LRP2: variants seen among roughly 807,000 people sequenced by gnomAD.
LRP2 encodes the protein LDL receptor related protein 2.
Under a neutral mutation model 531.0 loss-of-function variants are expected in LRP2, and 172 were observed. The ratio of observed to expected loss-of-function variants is 0.32; its 90% CI spans 0.29 to 0.37. LRP2 has a LOEUF of 0.37. LRP2 is among the 10% of genes least tolerant of loss of function. The probability of loss-of-function intolerance (pLI) is 1.00; values close to 1 mark genes in which losing one functional copy is unlikely to be tolerated. For synonymous variants in LRP2, 1,992 were observed against 2,027.6 expected (o/e 0.98, Z 0.47); for missense variants, 5,167 against 5,868.3 (o/e 0.88, Z 3.90).
At chr2:169,310,334 G>A (rs1376845264) in intron 3 of LRP2, among the ~76,000 whole-genome samples, 1 of 152,052 alleles carries the variant, frequency 6.6e-6, no homozygotes, top group East Asian at 1.9e-4. Context: ...ATTGGCTGTG[G>A]GTTTGTCATA....
chr2:169,259,574 G>A (rs75432194), intron 16 of LRP2, among the ~76,000 whole-genome samples: 23 of 151,824 alleles, frequency 1.5e-4, no homozygotes, highest in East Asian at 1.2e-3. Context: ...ACTACCACCC[G>A]GAGACGGCTC....
chr2:169,219,879 C>T (rs760433771), intron 34 of LRP2, among the ~76,000 whole-genome samples: 1 of 152,140 alleles, frequency 6.6e-6, no homozygotes, highest in Non-Finnish European at 1.5e-5. Flanking sequence ...AACTTCTTAG[C>T]ATGATATTAA....
At chr2:169,277,001 C>A (rs1683573212) in intron 13 of LRP2, among the ~76,000 whole-genome samples, 2 of 151,856 alleles carry the variant, frequency 1.3e-5, no homozygotes. Context: ...TTGGGACCAG[C>A]CTGGGAAACA....
intron 3 of LRP2, among the ~76,000 whole-genome samples, chr2:169,312,786 C>T (rs1684650825): frequency 6.6e-6 from 1 of 152,198 alleles, no homozygotes; most frequent in African/African-American, 2.4e-5. Context: ...CGGATAATAT[C>T]CTGCAGAGTG....
At chr2:169,236,117 A>T (rs1327318698) in intron 28 of LRP2, 49 bp from the exon 29 acceptor site, 3 of 1,283,636 alleles carry the variant, frequency 2.3e-6, no homozygotes, top group Admixed American at 1.9e-5. Flanking sequence ...TTTAAATATT[A>T]AAAATAACTG....
At chr2:169,188,331 G>A in intron 48 of LRP2, 66 bp from the exon 49 acceptor site, 1 of 1,524,392 alleles carries the variant, frequency 6.6e-7, no homozygotes, top group Admixed American at 1.7e-5. Flanking sequence ...TTACCCACTT[G>A]GGGTTTTGCT....
chr2:169,151,361 AGAT>A (rs71957599), intron 67 of LRP2, among the ~76,000 whole-genome samples: 3,767 of 152,274 alleles, frequency 0.025, 135 homozygotes, highest in African/African-American at 0.082. Flanking sequence ...TAAATACACA[AGAT>A]GTGGATTGCT....
chr2:169,243,489 T>C lies in LRP2; in HGVS notation c.3464A>G (p.Asn1155Ser), dbSNP rs1398890913. The change falls in exon 23 of 79, where the codon AAT (asparagine) becomes AGT (serine). Residue 1155 changes from asparagine to serine, a missense_variant. Physicochemically the swap from Asn to Ser is conservative, Grantham distance 46. Coordinates refer to ENST00000649046, the MANE Select transcript of LRP2 (RefSeq NM_004525.3). The stretch of plus-strand genomic sequence containing the variant: ...GTCAATACATCGATGATTGGGGCAA[T>C]TAAACTGACTAGGTTGGCATGTCTC... ...STETCQPSQF[N>S]CPNHRCIDLS... is the part of the protein sequence containing the mutation. 1.2e-6 allele frequency: 2 copies of C among 1,614,170 alleles called. No homozygotes were observed. The highest frequency in any genetic ancestry group is 2.2e-5 in the South Asian group (2 of 91,086).
Position 169,275,232 on chromosome 2 carries a change from A to G in LRP2, c.1779T>C (p.Thr593=). The change falls in exon 14 of 79, where the codon ACT becomes ACC. Residue 593 remains threonine (T), a synonymous_variant. Coordinates refer to ENST00000649046, the MANE Select transcript of LRP2 (RefSeq NM_004525.3). The stretch of plus-strand genomic sequence containing the variant: ...GAATGAGGGAGCCTCCATGAACTAC[A>G]GTCTTCCTGTTATAAAAGACACATA... The part of the protein sequence containing the change: ...TVTYDGIQRK[T]VVHGGSLIPH... The G allele has an allele frequency of 1.2e-6, 2 of 1,612,642 alleles. No individual in the cohort carries two copies. The highest frequency in any genetic ancestry group is 1.7e-6 in the Non-Finnish European group (2 of 1,178,840).
At position 169,188,496 on chromosome 2, in the gene LRP2, G is replaced by A. The variant is rs976403506; in HGVS notation, c.9033-231C>T. Among the ~76,000 whole-genome samples, 7 of 152,096 alleles carry A rather than the reference G, an allele frequency of 4.6e-5. No individual in the cohort carries two copies. In the East Asian group the frequency reaches 1.3e-3, roughly 29 times the overall value. ...TTCCACACAACTTCCTCAGGGGCTG[G>A]CTGCTACCATTAGAAATGCTACCAT... On this transcript the variant is annotated intron_variant, in intron 48 of 78. Coordinates refer to ENST00000649046, the MANE Select transcript of LRP2 (RefSeq NM_004525.3).
At position 169,128,706 on chromosome 2, in the gene LRP2, A is replaced by G; in HGVS notation, c.13925T>C (p.Phe4642Ser). Residue 4642 changes from phenylalanine (F) to serine (S), a missense_variant, in exon 79 of 79, where the codon TTT (phenylalanine) becomes TCT (serine). Around this residue, in one of 6 missense-constraint regions of LRP2, gnomAD observed 348 missense variants for 369.3 expected, o/e 0.94. Transcript: ENST00000649046. ...TPTYSATEDT[F>S]KDTANLVKED... ...TTTAACAAGATTTGCGGTGTCTTTA[A>G]AAGTGTCTTCTGTTGCAGAATAGGT... 6.2e-7 allele frequency: 1 copy of G among 1,614,158 alleles called. No homozygotes were observed. The highest frequency in any genetic ancestry group is 8.5e-7 in the Non-Finnish European group (1 of 1,179,990).
Position 169,243,552 on chromosome 2 carries a change from G to A in LRP2, c.3431-30C>T, listed in dbSNP as rs762757307. ...TGTCATCCGAAAACAAAACCAACAA[G>A]TTTATTTCCTGTGCAACAAGTACCA... On this transcript the variant is annotated intron_variant, in intron 22 of 78. Coordinates refer to ENST00000649046, the MANE Select transcript of LRP2 (RefSeq NM_004525.3). The A allele has an allele frequency of 9.3e-6, 15 of 1,613,280 alleles. No individual in the cohort carries two copies. The South Asian group carries it at 1.4e-4, about 15-fold the overall frequency.
At chr2:169,319,893 C>T (rs764252733) in intron 2 of LRP2, among the ~76,000 whole-genome samples, 3 of 152,218 alleles carry the variant, frequency 2.0e-5, no homozygotes, top group Admixed American at 6.5e-5. Flanking sequence ...TTTTCAAATG[C>T]GTTGTCATCT....
rs562333351 is a variant in LRP2 at position 169,166,626 on chromosome 2, T to C, written c.11636-572A>G. Among the ~76,000 whole-genome samples the C allele has an allele frequency of 2.6e-5, 4 of 152,356 alleles. No homozygotes were observed. In the East Asian group the frequency reaches 7.7e-4, roughly 29 times the overall value. On this transcript the variant is annotated intron_variant, in intron 61 of 78. Transcript: ENST00000649046. ...TCTTTTATTGAAGCTTTAAATTGTGTTGGATTTTCCTTCCTGAATTCCCTC... is the reference window on the plus strand; with the variant it reads ...TCTTTTATTGAAGCTTTAAATTGTGCTGGATTTTCCTTCCTGAATTCCCTC...
intron 52 of LRP2, among the ~76,000 whole-genome samples, chr2:169,179,577 A>T (rs1687349206): frequency 6.6e-6 from 1 of 152,000 alleles, no homozygotes; most frequent in Non-Finnish European, 1.5e-5. Context: ...AAAATTAGCC[A>T]GGTGTGGTGG....
intron 50 of LRP2, among the ~76,000 whole-genome samples, chr2:169,184,163 A>G (rs1168371222): frequency 6.6e-6 from 1 of 152,108 alleles, no homozygotes; most frequent in South Asian, 2.1e-4. Context: ...CAGTTCAAAT[A>G]TTATTTTTTC....
At chr2:169,162,728 GC>G (rs762034917) in intron 62 of LRP2, 128 bp from the exon 63 acceptor site, 24 of 988,452 alleles carry the variant, frequency 2.4e-5, no homozygotes, top group Non-Finnish European at 3.4e-5. Context: ...AGTCTCCCTT[GC>G]AGCTGGGTTA....
intron 20 of LRP2, 122 bp from the exon 21 acceptor site, chr2:169,247,108 G>T: frequency 8.3e-7 from 1 of 1,200,734 alleles, no homozygotes; most frequent in Non-Finnish European, 1.2e-6. Flanking sequence ...CTAAAAAGTA[G>T]CTTCCTCTTG....
chr2:169,262,240 G>A (rs958610502), intron 16 of LRP2, among the ~76,000 whole-genome samples: 9 of 145,984 alleles, frequency 6.2e-5, no homozygotes, highest in African/African-American at 1.0e-4. Context: ...GGAAATTCTG[G>A]CCAGGCCAAT....
Sources: allele counts gnomAD v4.1 joint callset (sites outside exome capture counted in the v4.1 genomes callset), GRCh38; gene constraint gnomAD v4.1.1; regional missense constraint gnomAD v4.1.1; transcripts MANE v1.5; gene names NCBI Gene and HGNC (gene_info 2026-07-23, HGNC 2026-07-21).